The following JAKMIP1 variants were observed in gnomAD, a reference collection of about 807,000 sequenced individuals.
JAKMIP1 encodes the protein janus kinase and microtubule interacting protein 1.
A neutral mutation model predicts 113.0 loss-of-function variants in JAKMIP1; 33 were observed. The ratio of observed to expected loss-of-function variants is 0.29; its 90% CI spans 0.22 to 0.39. JAKMIP1 has a LOEUF of 0.39. Ranked by LOEUF, JAKMIP1 falls within the 10% of genes least tolerant of loss-of-function variation. The pLI is 1.00. For missense variants in JAKMIP1, 813 were observed against 1,080.5 expected, an observed-to-expected ratio of 0.75 and a Z score of 3.47; for synonymous variants, 480 against 459.9, an observed-to-expected ratio of 1.04 and a Z score of -0.56.
At chr4:6,159,515 G>A (rs561721482) in intron 1 of JAKMIP1, among the ~76,000 whole-genome samples, 88 of 17,800 alleles carry the variant, frequency 4.9e-3, no homozygotes, top group Admixed American at 5.8e-3. Flanking sequence ...GCATGCAAGT[G>A]GAAAAAAAAA....
chr4:6,053,924 A>G, intron 13 of JAKMIP1, 126 bp downstream of exon 13: 1 of 1,548,752 alleles, frequency 6.5e-7, no homozygotes. Context: ...GAAAGAAAGA[A>G]AGAAACTATA....
intron 1 of JAKMIP1, among the ~76,000 whole-genome samples, chr4:6,159,384 C>A (rs1486381150): frequency 6.6e-6 from 1 of 151,944 alleles, no homozygotes; most frequent in African/African-American, 2.4e-5. Flanking sequence ...GCAAAAGCAT[C>A]ATCATAGAGC....
chr4:6,100,164 G>A (rs1712761851), intron 3 of JAKMIP1, among the ~76,000 whole-genome samples: 1 of 152,146 alleles, frequency 6.6e-6, no homozygotes, highest in African/African-American at 2.4e-5. Context: ...AGTCTTCCAA[G>A]TTGTGGAGCC....
chr4:6,137,744 A>G lies in JAKMIP1; in HGVS notation c.-147-24747T>C, dbSNP rs1048161726. ...TCACTTAGGTTCCATCATTCATTCA[A>G]TTCATCAGTCCTTCAATCACACAGG... is the stretch of plus-strand genomic sequence containing the variant. On this transcript the variant is annotated intron_variant, in intron 1 of 20. Coordinates refer to ENST00000409021, the MANE Select transcript of JAKMIP1 (RefSeq NM_001099433.2). The surrounding 1 kb of genome is among the most constrained non-coding windows in gnomAD (Gnocchi z 4.5). Among the ~76,000 whole-genome samples the G allele has an allele frequency of 2.6e-5, 4 of 152,216 alleles. No homozygotes were observed. In the East Asian group the frequency reaches 5.8e-4, roughly 22 times the overall value.
At chr4:6,170,582 C>CA (rs1724442934) in intron 1 of JAKMIP1, among the ~76,000 whole-genome samples, 1 of 150,396 alleles carries the variant, frequency 6.6e-6, no homozygotes, top group Non-Finnish European at 1.5e-5. Flanking sequence ...GCCACCATTA[C>CA]ACCCACCATT....
At chr4:6,104,484 C>T (rs1233157557) in intron 3 of JAKMIP1, among the ~76,000 whole-genome samples, 1 of 152,254 alleles carries the variant, frequency 6.6e-6, no homozygotes, top group African/African-American at 2.4e-5. Flanking sequence ...TACAGCCAGA[C>T]CAGCTTTGCT....
Position 6,137,228 on chromosome 4 carries a change from C to T in JAKMIP1, c.-147-24231G>A, listed in dbSNP as rs948458364. On this transcript the variant is annotated intron_variant, in intron 1 of 20. Transcript: ENST00000409021. This position sits in a 1 kb window ranked among gnomAD's most constrained non-coding sequence, Gnocchi z 4.5. ...GCTCTGCCTCCTCCACCTGACAGGA[C>T]ATGTGCTATGCCAGGTCCTGGCTTC... Among the ~76,000 whole-genome samples the T allele has an allele frequency of 9.2e-5, 14 of 152,208 alleles. No individual in the cohort carries two copies. The highest frequency in any genetic ancestry group is 7.8e-4 in the Admixed American group (12 of 15,288).
intron 1 of JAKMIP1, among the ~76,000 whole-genome samples, chr4:6,160,200 C>A (rs1722740205): frequency 6.6e-6 from 1 of 152,140 alleles, no homozygotes; most frequent in Non-Finnish European, 1.5e-5. Context: ...AGAAAAACAT[C>A]AAGGGCACCC....
chr4:6,079,032 C>T lies in JAKMIP1; in HGVS notation c.1243-34G>A, dbSNP rs772112068. 4 of 1,612,862 alleles carry T rather than the reference C, an allele frequency of 2.5e-6. No individual in the cohort carries two copies. The African/African-American group carries it at 4.0e-5, about 16-fold the overall frequency. On this transcript the variant is annotated intron_variant, in intron 7 of 20. Coordinates refer to ENST00000409021, the MANE Select transcript of JAKMIP1 (RefSeq NM_001099433.2). The stretch of plus-strand genomic sequence containing the variant: ...AAACACAACGGTTGGCATTTCCAGC[C>T]AGCCTCACATCTCACAAACCAAAGC...
At position 6,185,995 on chromosome 4, in the gene JAKMIP1, C is replaced by T. The variant is rs1189517490; in HGVS notation, c.-148+14258G>A. Among the ~76,000 whole-genome samples the T allele has an allele frequency of 1.3e-5, 2 of 151,680 alleles. No individual in the cohort carries two copies. Among genetic ancestry groups the T allele is most frequent in the Non-Finnish European group, 2.9e-5 (2 of 67,964 alleles). ...GGAGGTCATTTCCAATTGTGCTGGA[C>T]AATAAGAGGGAGAAGAGGGGCACTC... On this transcript the variant is annotated intron_variant, in intron 1 of 20. Transcript: ENST00000409021. This position sits in a 1 kb window ranked among gnomAD's most constrained non-coding sequence, Gnocchi z 5.3.
chr4:6,147,554 A>C (rs1416763135), intron 1 of JAKMIP1, among the ~76,000 whole-genome samples: 2 of 152,120 alleles, frequency 1.3e-5, no homozygotes, highest in Non-Finnish European at 1.5e-5. Context: ...CACTCCTATG[A>C]CTAGATGGCT....
chr4:6,045,978 G>C (rs1438695057), intron 16 of JAKMIP1, among the ~76,000 whole-genome samples: 1 of 152,182 alleles, frequency 6.6e-6, no homozygotes, highest in Admixed American at 6.5e-5. Context: ...GTGGAGCAGG[G>C]GTTAACTGGG....
At chr4:6,174,713 A>C (rs1425528844) in intron 1 of JAKMIP1, among the ~76,000 whole-genome samples, 1 of 152,092 alleles carries the variant, frequency 6.6e-6, no homozygotes, top group Admixed American at 6.5e-5. Context: ...GGCTCTCCTG[A>C]AAGGACTCCT....
chr4:6,056,646 G>A (rs1282778877), intron 12 of JAKMIP1, 51 bp downstream of exon 12: 11 of 1,441,326 alleles, frequency 7.6e-6, no homozygotes. Flanking sequence ...CAGGCCCGCG[G>A]GGTCCCAACT....
rs546839979 is a variant in JAKMIP1 at position 6,042,767 on chromosome 4, T to C, written c.2029-540A>G. On this transcript the variant is annotated intron_variant, in intron 16 of 20. Transcript: ENST00000409021. The surrounding 1 kb of genome is among the most constrained non-coding windows in gnomAD (Gnocchi z 5.2). Reference sequence around the variant, plus strand: ...GCCCTCATCCCTCCAGCAACGTGAGTTGGAGCAGCCCAGAGTGCCTGGTGC... The same window carrying C: ...GCCCTCATCCCTCCAGCAACGTGAGCTGGAGCAGCCCAGAGTGCCTGGTGC... 2.0e-5 allele frequency among the ~76,000 whole-genome samples: 3 copies of C among 151,700 alleles called. No homozygotes were observed. The highest frequency in any genetic ancestry group is 2.1e-4 in the South Asian group (1 of 4,778).
At chr4:6,046,736 A>G (rs1476492342) in intron 16 of JAKMIP1, among the ~76,000 whole-genome samples, 1 of 152,142 alleles carries the variant, frequency 6.6e-6, no homozygotes, top group African/African-American at 2.4e-5. Context: ...TGCCCAGAGG[A>G]TGAGGAGCGC....
At chr4:6,058,816 C>T (rs1267318701) in intron 11 of JAKMIP1, among the ~76,000 whole-genome samples, 3 of 152,200 alleles carry the variant, frequency 2.0e-5, no homozygotes, top group Non-Finnish European at 4.4e-5. Context: ...CATTTACTTA[C>T]AACACTAAGT....
At position 6,050,944 on chromosome 4, in the gene JAKMIP1, G is replaced by A. The variant is rs551566606; in HGVS notation, c.1807-265C>T. ...ACAGGGTACCGTGGCTTTATCCATT[G>A]TGAGATCAAAACCCAGGAAATCACA... On this transcript the variant is annotated intron_variant, in intron 13 of 20. Transcript: ENST00000409021. This position sits in a 1 kb window ranked among gnomAD's most constrained non-coding sequence, Gnocchi z 7.4. Among the ~76,000 whole-genome samples the A allele has an allele frequency of 3.3e-5, 5 of 152,276 alleles. No individual in the cohort carries two copies. Among genetic ancestry groups the A allele is most frequent in the African/African-American group, 1.2e-4 (5 of 41,558 alleles).
chr4:6,198,352 G>C (rs1296470225), intron 1 of JAKMIP1, among the ~76,000 whole-genome samples: 2 of 152,076 alleles, frequency 1.3e-5, no homozygotes, highest in Non-Finnish European at 2.9e-5. Flanking sequence ...AAAAACCCAA[G>C]TGTGAAGACA....
Sources: allele counts gnomAD v4.1 joint callset (sites outside exome capture counted in the v4.1 genomes callset), GRCh38; gene constraint gnomAD v4.1.1; non-coding constraint Gnocchi (gnomAD v3.1); transcripts MANE v1.5; gene names NCBI Gene and HGNC (gene_info 2026-07-23, HGNC 2026-07-21).